Variants in ERICH1 observed in about 807,000 individuals in gnomAD.
The protein encoded by ERICH1 is glutamate rich 1.
In ERICH1, 56 loss-of-function variants were observed where a neutral mutation model predicts 39.6. The ratio of observed to expected loss-of-function variants is 1.41; its 90% CI spans 1.14 to 1.77. The LOEUF (loss-of-function observed/expected upper bound fraction) is 1.77. Among genes scored for constraint, ERICH1 ranks in the 40% most tolerant of loss-of-function variants. The pLI is 0.00. For synonymous variants in ERICH1, 313 were observed against 223.6 expected, an observed-to-expected ratio of 1.40 and a Z score of -3.57; for missense variants, 826 against 575.4, an observed-to-expected ratio of 1.44 and a Z score of -4.45.
intron 2 of ERICH1, among the ~76,000 whole-genome samples, chr8:715,553 G>T (rs1031389223): frequency 6.6e-6 from 1 of 152,232 alleles, no homozygotes; most frequent in Non-Finnish European, 1.5e-5. Flanking sequence ...TGGGGAAGGC[G>T]CCTGTCTTCC....
intron 4 of ERICH1, among the ~76,000 whole-genome samples, chr8:669,964 C>G (rs1015955230): frequency 2.0e-5 from 3 of 152,182 alleles, no homozygotes; most frequent in Non-Finnish European, 4.4e-5. Context: ...TGTCACATCT[C>G]CGTCCTGCCC....
At chr8:634,180 AAAAAAAC>A (rs1483247303) in intron 3 of ERICH1, among the ~76,000 whole-genome samples, 2 of 91,256 alleles carry the variant, frequency 2.2e-5, no homozygotes, top group African/African-American at 8.4e-5. Context: ...AAAAAAAAAA[AAAAAAAC>A]AAACAAAAAA....
intron 3 of ERICH1, among the ~76,000 whole-genome samples, chr8:677,878 G>A (rs1805214667): frequency 1.3e-5 from 2 of 152,038 alleles, no homozygotes; most frequent in Non-Finnish European, 1.5e-5. Context: ...CACCCCCCAG[G>A]CTCCTCCCGG....
In ERICH1 at chr8:641,229, C is replaced by A. The variant is rs1322247291; in HGVS notation, c.977-25945G>T. ...GGAGTCTGACCACGAGTTGGTTTTA[C>A]AAATTTCCTTAATTCTAGTGGAGGA... On this transcript the variant is annotated intron_variant, in intron 3 of 3. Coordinates refer to the ERICH1 transcript ENST00000522706. The A allele has an allele frequency of 3.3e-5, 5 of 152,240 alleles. No individual in the cohort carries two copies. The East Asian group carries it at 7.7e-4, about 24-fold the overall frequency. The allele number at this position is 152,240 out of a possible 1,614,324, so 9.4% of individuals were successfully genotyped here. A position where few individuals can be genotyped will look rare whatever the true frequency, so the allele number is the denominator to read the frequency against.
chr8:623,100 G>A (rs1797389024), intron 3 of ERICH1, among the ~76,000 whole-genome samples: 2 of 151,996 alleles, frequency 1.3e-5, no homozygotes, highest in South Asian at 4.1e-4. Context: ...AGATAAAACA[G>A]GCAAAGATAT....
chr8:624,761 C>G (rs1293135180), intron 3 of ERICH1, among the ~76,000 whole-genome samples: 1 of 151,914 alleles, frequency 6.6e-6, no homozygotes, highest in African/African-American at 2.4e-5. Flanking sequence ...CAGTCTCGCT[C>G]TGTCACCCAG....
intron 2 of ERICH1, among the ~76,000 whole-genome samples, chr8:705,584 A>G (rs1441378273): frequency 6.6e-6 from 1 of 152,176 alleles, no homozygotes; most frequent in Non-Finnish European, 1.5e-5. Context: ...GGATGGTGAA[A>G]ACAGGGATGC....
chr8:691,418 G>C (rs1205403799), intron 3 of ERICH1, among the ~76,000 whole-genome samples: 2 of 152,270 alleles, frequency 1.3e-5, no homozygotes, highest in African/African-American at 2.4e-5. Flanking sequence ...GTCCAGCACA[G>C]GCCTGTCCTG....
intron 3 of ERICH1, among the ~76,000 whole-genome samples, chr8:640,098 C>G (rs1469902600): frequency 2.0e-5 from 3 of 152,156 alleles, no homozygotes; most frequent in Non-Finnish European, 2.9e-5. Flanking sequence ...GGAAGAAACT[C>G]AGGGGGCTGA....
At chr8:705,451 C>A (rs1052243635) in intron 2 of ERICH1, among the ~76,000 whole-genome samples, 1 of 152,064 alleles carries the variant, frequency 6.6e-6, no homozygotes, top group East Asian at 1.9e-4. Context: ...TTAACATTTC[C>A]AAGGCACAGC....
intron 1 of ERICH1, among the ~76,000 whole-genome samples, chr8:730,398 G>A (rs1401585355): frequency 6.6e-6 from 1 of 152,092 alleles, no homozygotes; most frequent in African/African-American, 2.4e-5. Flanking sequence ...TTTAAACATA[G>A]AGAAGGAAAA....
chr8:645,236 T>G lies in ERICH1; in HGVS notation c.976+23362A>C, dbSNP rs1234693325. Among the ~76,000 whole-genome samples, 9 of 67,860 alleles carry G rather than the reference T, an allele frequency of 1.3e-4. 3 individuals carry two copies. The highest frequency in any genetic ancestry group is 3.3e-4 in the African/African-American group (9 of 26,896). The allele number at this position is 67,860 out of a possible 152,430, so 44.5% of individuals were successfully genotyped here. A position where few individuals can be genotyped will look rare whatever the true frequency, so the allele number is the denominator to read the frequency against. On this transcript the variant is annotated intron_variant, in intron 3 of 3. Coordinates refer to the ERICH1 transcript ENST00000522706. ...TGACCGCAGACGCGCTTTCCTTGCT[T>G]TGGGACGCACCTGCAAGGAGACCCA... is the stretch of plus-strand genomic sequence containing the variant.
chr8:644,225 C>A (rs1799342396), intron 3 of ERICH1, among the ~76,000 whole-genome samples: 1 of 152,240 alleles, frequency 6.6e-6, no homozygotes, highest in Non-Finnish European at 1.5e-5. Flanking sequence ...CTGGCCCCGT[C>A]CTAAGGCGAG....
chr8:650,217 C>G (rs571188561), intron 3 of ERICH1, among the ~76,000 whole-genome samples: 5 of 152,340 alleles, frequency 3.3e-5, no homozygotes, highest in Admixed American at 6.5e-5. Flanking sequence ...CCGTTCCGTG[C>G]TGGCGATGAG....
downstream of ERICH1, among the ~76,000 whole-genome samples, chr8:661,488 G>A (rs1467725810): frequency 1.3e-5 from 2 of 152,060 alleles, no homozygotes; most frequent in African/African-American, 4.8e-5. Flanking sequence ...TCTTAATATT[G>A]GCAACCTGAC....
intron 3 of ERICH1, among the ~76,000 whole-genome samples, chr8:633,541 C>G (rs1046758189): frequency 1.3e-5 from 2 of 152,174 alleles, no homozygotes; most frequent in African/African-American, 2.4e-5. Flanking sequence ...AAAACCCACC[C>G]TAAATTCACA....
chr8:727,859 G>C (rs905045182), intron 1 of ERICH1, among the ~76,000 whole-genome samples: 3 of 152,228 alleles, frequency 2.0e-5, no homozygotes, highest in Non-Finnish European at 1.5e-5. Context: ...ACTGGCCTCA[G>C]GGTGCAGTGA....
intron 1 of ERICH1, among the ~76,000 whole-genome samples, chr8:717,970 A>T: frequency 6.6e-6 from 1 of 152,268 alleles, no homozygotes; most frequent in East Asian, 1.9e-4. Flanking sequence ...GTTTTCTGAA[A>T]CAAGGCAGCT....
At chr8:654,890 C>G (rs1800423487) in intron 3 of ERICH1, among the ~76,000 whole-genome samples, 1 of 152,234 alleles carries the variant, frequency 6.6e-6, no homozygotes, top group Admixed American at 6.5e-5. Flanking sequence ...GAGGCGGGAA[C>G]ACCTGCCAAG....
Sources: allele counts gnomAD v4.1 joint callset (sites outside exome capture counted in the v4.1 genomes callset), GRCh38; gene constraint gnomAD v4.1.1; transcripts MANE v1.5; gene names NCBI Gene and HGNC (gene_info 2026-07-23, HGNC 2026-07-21).